The following PTK2 variants were observed in gnomAD, a reference collection of about 807,000 sequenced individuals.
PTK2 encodes the protein protein tyrosine kinase 2.
A neutral mutation model predicts 150.1 loss-of-function variants in PTK2; 45 were observed. The observed-to-expected ratio is 0.30, with a 90% CI of 0.24 to 0.38. The LOEUF is 0.38. Among genes scored for constraint, PTK2 ranks in the 10% least tolerant of loss-of-function variants. The pLI is 1.00. For synonymous variants in PTK2, 432 were observed against 449.2 expected (o/e 0.96, Z 0.48); for missense variants, 919 against 1,307.3 (o/e 0.70, Z 4.58).
intron 1 of PTK2, among the ~76,000 whole-genome samples, chr8:140,928,586 T>C (rs2100170566): frequency 1.3e-5 from 2 of 152,234 alleles, no homozygotes; most frequent in African/African-American, 4.8e-5. Flanking sequence ...CAACATGTGG[T>C]ATATAAATTC....
At chr8:140,993,538 A>C (rs1035254275) in intron 1 of PTK2, among the ~76,000 whole-genome samples, 1 of 152,208 alleles carries the variant, frequency 6.6e-6, no homozygotes, top group East Asian at 1.9e-4. Context: ...TTACTACAAA[A>C]TATGTAACAC....
chr8:140,803,003 A>ATTTTTT (rs1596239214), intron 11 of PTK2, among the ~76,000 whole-genome samples: 5 of 117,256 alleles, frequency 4.3e-5, no homozygotes, highest in African/African-American at 1.4e-4. Context: ...CTTGATGACA[A>ATTTTTT]TCTTTTTTTT....
chr8:140,827,272 T>C (rs748639036), intron 8 of PTK2, among the ~76,000 whole-genome samples: 27 of 152,146 alleles, frequency 1.8e-4, no homozygotes, highest in Admixed American at 7.2e-4. Context: ...CTTTCCTGTC[T>C]GACCTCTGTT....
At chr8:140,976,037 T>C (rs2100189156) in intron 1 of PTK2, among the ~76,000 whole-genome samples, 1 of 152,222 alleles carries the variant, frequency 6.6e-6, no homozygotes, top group South Asian at 2.1e-4. Context: ...CTTACATTTG[T>C]ATACCACTCT....
chr8:140,936,055 A>G (rs2100173510), intron 1 of PTK2, among the ~76,000 whole-genome samples: 1 of 152,196 alleles, frequency 6.6e-6, no homozygotes, highest in Non-Finnish European at 1.5e-5. Flanking sequence ...ATGCATCTGT[A>G]GTCCCGGCTA....
chr8:140,904,411 G>C (rs1304286911), intron 2 of PTK2, among the ~76,000 whole-genome samples: 1 of 152,158 alleles, frequency 6.6e-6, no homozygotes, highest in Non-Finnish European at 1.5e-5. Flanking sequence ...GCATTTTATT[G>C]AGGATTTTCG....
intron 26 of PTK2, among the ~76,000 whole-genome samples, chr8:140,696,105 C>T (rs1053790777): frequency 1.3e-5 from 2 of 152,108 alleles, no homozygotes; most frequent in Non-Finnish European, 2.9e-5. Context: ...TTCATTCATT[C>T]GCTTAATAAA....
intron 16 of PTK2, among the ~76,000 whole-genome samples, chr8:140,758,061 A>G (rs1441019232): frequency 6.6e-6 from 1 of 152,060 alleles, no homozygotes; most frequent in East Asian, 1.9e-4. Flanking sequence ...CTAATATACT[A>G]CACTTTTAAT....
chr8:140,720,875 T>C (rs1411760767), intron 22 of PTK2, among the ~76,000 whole-genome samples: 1 of 152,186 alleles, frequency 6.6e-6, no homozygotes, highest in Non-Finnish European at 1.5e-5. Flanking sequence ...TGCCTCAGCC[T>C]CCCAAGTAGC....
At chr8:140,751,174 C>G (rs895657477) in intron 17 of PTK2, among the ~76,000 whole-genome samples, 1 of 151,970 alleles carries the variant, frequency 6.6e-6, no homozygotes, top group Non-Finnish European at 1.5e-5. Flanking sequence ...GTTTTCTTTT[C>G]TTTTGTTTTT....
chr8:140,746,909 T>G (rs1191523771), intron 17 of PTK2, 49 bp from the exon 21 acceptor site: 5 of 1,205,362 alleles, frequency 4.1e-6, no homozygotes, highest in East Asian at 2.5e-5. Flanking sequence ...TTTTTTTTTT[T>G]TAGACGGAGT....
intron 5 of PTK2, among the ~76,000 whole-genome samples, chr8:140,857,906 C>T (rs2100133714): frequency 6.6e-6 from 1 of 152,078 alleles, no homozygotes; most frequent in Admixed American, 6.6e-5. Flanking sequence ...AGAACTCACA[C>T]ACAAGGAAAA....
chr8:140,928,989 G>T, intron 1 of PTK2, among the ~76,000 whole-genome samples: 1 of 95,748 alleles, frequency 1.0e-5, no homozygotes, highest in Non-Finnish European at 1.9e-5. Flanking sequence ...TTTTTGAGAC[G>T]GAGTCTCGCT....
intron 1 of PTK2, among the ~76,000 whole-genome samples, chr8:140,983,560 G>T (rs190480711): frequency 6.6e-6 from 1 of 152,130 alleles, no homozygotes; most frequent in East Asian, 1.9e-4. Context: ...ATTATAACTG[G>T]TAAACTTGTC....
At chr8:140,787,534 A>C in intron 14 of PTK2, among the ~76,000 whole-genome samples, 1 of 152,200 alleles carries the variant, frequency 6.6e-6, no homozygotes, top group Non-Finnish European at 1.5e-5. Flanking sequence ...AGTAAAATCC[A>C]AGTTTGGTGA....
intron 2 of PTK2, 101 bp from the exon 3 acceptor site, chr8:140,890,870 TATG>T (rs2100154005): frequency 1.0e-6 from 1 of 997,022 alleles, no homozygotes; most frequent in Admixed American, 2.1e-5. Context: ...TCTCTCTTGA[TATG>T]TTATATGCGG....
At chr8:140,687,836 G>A (rs1054604925) in intron 26 of PTK2, among the ~76,000 whole-genome samples, 1 of 152,170 alleles carries the variant, frequency 6.6e-6, no homozygotes, top group African/African-American at 2.4e-5. Context: ...TGGCTCAGAG[G>A]TAAAAACAAA....
At chr8:140,902,933 T>TTTTTTTG (rs1568514501) in intron 2 of PTK2, among the ~76,000 whole-genome samples, 4 of 108,780 alleles carry the variant, frequency 3.7e-5, no homozygotes, top group Non-Finnish European at 5.7e-5. Flanking sequence ...TGTTTTTTTT[T>TTTTTTTG]TTTTTTTTTT....
chr8:140,751,498 CTT>C (rs562902470), intron 17 of PTK2, among the ~76,000 whole-genome samples: 6 of 144,990 alleles, frequency 4.1e-5, no homozygotes, highest in Admixed American at 6.9e-5. Flanking sequence ...TTCTTTCTTT[CTT>C]TTTTTTTTTT....
Sources: gnomAD v4.1 joint callset for allele counts (sites outside exome capture counted in the v4.1 genomes callset) on GRCh38, gnomAD v4.1.1 for gene constraint, MANE v1.5 for transcripts, NCBI Gene and HGNC (gene_info 2026-07-23, HGNC 2026-07-21) for gene names.